GYS2: variants seen among roughly 807,000 people sequenced by gnomAD.
The protein encoded by GYS2 is glycogen synthase 2, also known as glycogen [starch] synthase, liver.
Under a neutral mutation model 85.6 loss-of-function variants are expected in GYS2, and 80 were observed. The observed-to-expected ratio is 0.93, with a 90% CI of 0.78 to 1.13. The LOEUF (loss-of-function observed/expected upper bound fraction) is 1.13, where lower values mean the gene tolerates loss of function less well. GYS2 is among the 50% of genes most tolerant of loss of function. The pLI is 0.00. For missense variants in GYS2, 881 were observed against 854.9 expected (o/e 1.03, Z -0.38); for synonymous variants, 328 against 300.7 (o/e 1.09, Z -0.94).
intron 11 of GYS2, among the ~76,000 whole-genome samples, chr12:21,552,212 C>T (rs191842128): frequency 6.6e-6 from 1 of 152,286 alleles, no homozygotes; most frequent in East Asian, 1.9e-4. Flanking sequence ...TTGTCTGACT[C>T]TTTATTTATT....
rs771205749 is a variant in GYS2, at chr12:21,560,473, GT to G, written c.1081del (p.Thr361GlnfsTer2). Reference protein sequence around the residue: ...FLLRMHKSDITVMVFFIMPAK... With the variant: ...FLLRMHKSDIXVMVFFIMPAK... ...AGGCATAATGAAAAACACCATCACT[GT>G]GATGTCACTTTTATGCATCTGATGA... On this transcript the variant is annotated frameshift_variant, in exon 8 of 16. Transcript: ENST00000261195. LOFTEE classifies it high-confidence loss of function. The G allele has an allele frequency of 2.6e-6, 4 of 1,544,998 alleles. No homozygotes were observed. The highest frequency in any genetic ancestry group is 3.6e-6 in the Non-Finnish European group (4 of 1,116,896).
At chr12:21,593,261 A>G (rs1944659151) in intron 1 of GYS2, among the ~76,000 whole-genome samples, 1 of 150,002 alleles carries the variant, frequency 6.7e-6, no homozygotes, top group South Asian at 2.1e-4. Context: ...GCAGAAGGAA[A>G]GAAAAAATGA....
At chr12:21,564,028 A>G (rs1944288198) in intron 5 of GYS2, among the ~76,000 whole-genome samples, 1 of 152,204 alleles carries the variant, frequency 6.6e-6, no homozygotes, top group Admixed American at 6.5e-5. Flanking sequence ...TTGCTCAGGC[A>G]GGAAGACATT....
At chr12:21,538,240 A>G (rs1226543305) in intron 15 of GYS2, among the ~76,000 whole-genome samples, 1 of 152,206 alleles carries the variant, frequency 6.6e-6, no homozygotes, top group Admixed American at 6.5e-5. Context: ...AGAAAACCTT[A>G]TCACCTTTTT....
intron 4 of GYS2, among the ~76,000 whole-genome samples, chr12:21,573,282 T>C (rs1456786811): frequency 6.6e-6 from 1 of 152,168 alleles, no homozygotes; most frequent in Non-Finnish European, 1.5e-5. Context: ...CTCTTTAAGC[T>C]GGGAAATTTT....
In GYS2 at chr12:21,582,152, C is replaced by A. The variant is rs1011193747; in HGVS notation, c.122-1629G>T. 3.3e-5 allele frequency among the ~76,000 whole-genome samples: 5 copies of A among 152,054 alleles called. No homozygotes were observed. The South Asian group carries it at 6.2e-4, about 19-fold the overall frequency. ...TACAAGGAACTCAACAACAAAAAAA[C>A]CAACCTCATTAGAAAGTGACTGTGA... On this transcript the variant is annotated intron_variant, in intron 1 of 15. Coordinates refer to ENST00000261195, the MANE Select transcript of GYS2 (RefSeq NM_021957.4).
At chr12:21,579,476 C>A (rs926974727) in intron 2 of GYS2, among the ~76,000 whole-genome samples, 13 of 151,350 alleles carry the variant, frequency 8.6e-5, no homozygotes, top group African/African-American at 3.2e-4. Flanking sequence ...GCCTCAGCCT[C>A]CTGAGTAGCT....
At chr12:21,600,801 A>T (rs1308562941) in intron 1 of GYS2, among the ~76,000 whole-genome samples, 1 of 152,166 alleles carries the variant, frequency 6.6e-6, no homozygotes, top group Non-Finnish European at 1.5e-5. Flanking sequence ...GTCCTAGAAG[A>T]GTGGACTCAT....
At chr12:21,591,139 GA>G (rs1346619316) in intron 1 of GYS2, among the ~76,000 whole-genome samples, 2 of 151,222 alleles carry the variant, frequency 1.3e-5, no homozygotes, top group Non-Finnish European at 2.9e-5. Flanking sequence ...TAAGCCAGTG[GA>G]AAAAAAAGAC....
At position 21,559,709 on chromosome 12, in the gene GYS2, C is replaced by T. The variant is rs763052951; in HGVS notation, c.1171G>A (p.Asp391Asn). ...TTTTCCTTCACAGAATGTGCAACAT[C>T]CCTGTTTGAAACAGAAAGATTTATC... ...KGQAVRKQLW[D>N]VAHSVKEKFG... The change falls in exon 9 of 16, where the codon GAT (aspartate) becomes AAT (asparagine). Residue 391 changes from aspartate (D) to asparagine (N), a missense_variant and splice_region_variant. Coordinates refer to ENST00000261195, the MANE Select transcript of GYS2 (RefSeq NM_021957.4). 1 of 1,575,854 alleles carries T rather than the reference C, an allele frequency of 6.3e-7. No homozygotes were observed. The highest frequency in any genetic ancestry group is 1.1e-5 in the South Asian group (1 of 90,210).
chr12:21,563,167 T>A, intron 6 of GYS2, 61 bp downstream of exon 6: 1 of 1,197,936 alleles, frequency 8.3e-7, no homozygotes, highest in Non-Finnish European at 1.3e-6. Context: ...TTCTGTTTTC[T>A]CTCTACCAAA....
intron 1 of GYS2, among the ~76,000 whole-genome samples, chr12:21,601,164 G>C (rs1450376138): frequency 6.6e-6 from 1 of 152,036 alleles, no homozygotes; most frequent in Non-Finnish European, 1.5e-5. Flanking sequence ...ATTGTAGTAA[G>C]ACCTGGGCAA....
chr12:21,544,871 C>A lies in GYS2; in HGVS notation c.1549+1473G>T, dbSNP rs1486029117. 2.0e-5 allele frequency among the ~76,000 whole-genome samples: 3 copies of A among 152,254 alleles called. No individual in the cohort carries two copies. The East Asian group carries it at 5.8e-4, about 29-fold the overall frequency. On this transcript the variant is annotated intron_variant, in intron 12 of 15. Coordinates refer to ENST00000261195, the MANE Select transcript of GYS2 (RefSeq NM_021957.4). ...GTGAAGCTAGAACAATAGAATAGGA[C>A]CTTATGACCAAACATGCCCAGCCCT...
intron 8 of GYS2, 102 bp from the exon 9 acceptor site, chr12:21,559,812 A>G: frequency 1.4e-6 from 1 of 738,160 alleles, no homozygotes; most frequent in South Asian, 1.6e-5. Flanking sequence ...TTGAAATTAC[A>G]TTCTTTGAAA....
intron 11 of GYS2, among the ~76,000 whole-genome samples, chr12:21,546,967 A>T (rs1157059902): frequency 6.6e-6 from 1 of 152,176 alleles, no homozygotes; most frequent in Non-Finnish European, 1.5e-5. Flanking sequence ...AGATTAAATC[A>T]TGCTAGAGGA....
chr12:21,576,387 T>C (rs564273555), intron 2 of GYS2, among the ~76,000 whole-genome samples: 1 of 152,322 alleles, frequency 6.6e-6, no homozygotes, highest in South Asian at 2.1e-4. Context: ...TCTGCTTTTA[T>C]GACAGAGCCA....
chr12:21,545,243 G>A (rs2136847717), intron 12 of GYS2, among the ~76,000 whole-genome samples: 1 of 152,318 alleles, frequency 6.6e-6, no homozygotes, highest in Middle Eastern at 3.4e-3. Flanking sequence ...AACAGTTTGA[G>A]ACCAGCCTGG....
chr12:21,601,881 A>G (rs1287539040), intron 1 of GYS2, among the ~76,000 whole-genome samples: 1 of 152,176 alleles, frequency 6.6e-6, no homozygotes, highest in East Asian at 1.9e-4. Flanking sequence ...AAAAGCAATA[A>G]ATTTCAAGGT....
At chr12:21,555,831 T>G (rs1387444783) in intron 11 of GYS2, among the ~76,000 whole-genome samples, 1 of 152,226 alleles carries the variant, frequency 6.6e-6, no homozygotes, top group Non-Finnish European at 1.5e-5. Context: ...AATACTCATT[T>G]TCTCAGTAAC....
Sources: gnomAD v4.1 joint callset for allele counts (sites outside exome capture counted in the v4.1 genomes callset) on GRCh38, gnomAD v4.1.1 for gene constraint, MANE v1.5 for transcripts, NCBI Gene and HGNC (gene_info 2026-07-23, HGNC 2026-07-21) for gene names.